The following AGTPBP1 variants were observed in gnomAD, a reference collection of about 807,000 sequenced individuals.
AGTPBP1 encodes the protein cytosolic carboxypeptidase 1.
A neutral mutation model predicts 143.9 loss-of-function variants in AGTPBP1; 70 were observed. The observed-to-expected ratio is 0.49, with a 90% confidence interval of 0.40 to 0.59. AGTPBP1 has a LOEUF of 0.59. Ranked by LOEUF, AGTPBP1 falls within the 20% of genes least tolerant of loss-of-function variation. AGTPBP1 has a pLI of 0.00. For missense variants in AGTPBP1, 1,229 were observed against 1,464.5 expected (o/e 0.84, Z 2.62); for synonymous variants, 463 against 500.2 (o/e 0.93, Z 0.99).
intron 1 of AGTPBP1, among the ~76,000 whole-genome samples, chr9:85,731,999 C>T (rs1388416845): frequency 6.6e-6 from 1 of 152,086 alleles, no homozygotes; most frequent in African/African-American, 2.4e-5. Context: ...ATTTTACTAT[C>T]AATAAATGAG....
Position 85,618,989 on chromosome 9 carries a change from T to C in AGTPBP1, c.2329A>G (p.Asn777Asp), listed in dbSNP as rs1211689428. 1 of 1,612,082 alleles carries C rather than the reference T, an allele frequency of 6.2e-7. No individual in the cohort carries two copies. The highest frequency in any genetic ancestry group is 1.1e-5 in the South Asian group (1 of 90,488). ...GGAAAGAAAACTGTCTTACCATAAT[T>C]AAACTGACTGTTGGACTTTTCACAG... The part of the protein sequence containing the change: ...INCEKSNSQF[N>D]YGMQPLMYSV... The change falls in exon 17 of 26, where the codon AAT becomes GAT. Residue 777 changes from asparagine (N) to aspartate (D), a missense_variant. By Grantham distance (23) the Asn-to-Asp change is conservative. Coordinates refer to ENST00000357081, the MANE Select transcript of AGTPBP1 (RefSeq NM_001330701.2).
chr9:85,611,858 T>TTTTAGTAGAGATGGGG (rs1449214567), intron 17 of AGTPBP1, among the ~76,000 whole-genome samples: 1 of 152,082 alleles, frequency 6.6e-6, no homozygotes, highest in Non-Finnish European at 1.5e-5. Flanking sequence ...TTTTTTGTAT[T>TTTTAGTAGAGATGGGG]TTTAGTAGAG....
intron 17 of AGTPBP1, among the ~76,000 whole-genome samples, chr9:85,608,517 G>C (rs1418259031): frequency 6.6e-6 from 1 of 151,842 alleles, no homozygotes; most frequent in African/African-American, 2.4e-5. Flanking sequence ...ATCTTCTTAT[G>C]TGAAGAAGAT....
chr9:85,637,886 C>G (rs1261079879), intron 13 of AGTPBP1, among the ~76,000 whole-genome samples: 2 of 152,098 alleles, frequency 1.3e-5, no homozygotes, highest in African/African-American at 4.8e-5. Context: ...GGAGGGAGAG[C>G]AAGACAGCAT....
intron 3 of AGTPBP1, among the ~76,000 whole-genome samples, chr9:85,690,530 T>G (rs1305016678): frequency 6.6e-6 from 1 of 150,558 alleles, no homozygotes. Flanking sequence ...GATAGTGGTA[T>G]GGTCAGGAGT....
At chr9:85,649,908 A>G (rs993035481) in intron 11 of AGTPBP1, among the ~76,000 whole-genome samples, 1 of 152,142 alleles carries the variant, frequency 6.6e-6, no homozygotes, top group Admixed American at 6.5e-5. Context: ...AAACGTAAAC[A>G]ATACTGCTCA....
chr9:85,798,321 T>A, the AGTPBP1 span, among the ~76,000 whole-genome samples: 1 of 151,810 alleles, frequency 6.6e-6, no homozygotes, highest in South Asian at 2.1e-4. Flanking sequence ...GATTTTGACA[T>A]GTTTTCTGGC....
Position 85,727,872 on chromosome 9 carries a change from A to T in AGTPBP1, c.-34+13903T>A, listed in dbSNP as rs921049107. On this transcript the variant is annotated intron_variant, in intron 1 of 25. Coordinates refer to ENST00000357081, the MANE Select transcript of AGTPBP1 (RefSeq NM_001330701.2). The stretch of plus-strand genomic sequence containing the variant: ...ATCTCTACAAAAAAATAAAAAAATT[A>T]AAAAAATTAGCTGGGCATGGTGGCA... Among the ~76,000 whole-genome samples the T allele has an allele frequency of 5.9e-5, 9 of 152,022 alleles. No individual in the cohort carries two copies. In the South Asian group the frequency reaches 6.2e-4, roughly 11 times the overall value.
At chr9:85,623,844 C>T (rs767401416) in intron 14 of AGTPBP1, among the ~76,000 whole-genome samples, 2 of 152,008 alleles carry the variant, frequency 1.3e-5, no homozygotes, top group Non-Finnish European at 2.9e-5. Context: ...AATGACAACT[C>T]TTCCTTCCTT....
chr9:85,752,855 T>A, the AGTPBP1 span, among the ~76,000 whole-genome samples: 7 of 152,148 alleles, frequency 4.6e-5, no homozygotes, highest in Non-Finnish European at 1.0e-4. Context: ...CTACAAAAAA[T>A]TTTTAAAAAA....
chr9:85,764,749 C>T, the AGTPBP1 span: 1 of 1,291,424 alleles, frequency 7.7e-7, no homozygotes, highest in Non-Finnish European at 1.1e-6. Context: ...CTCGCCTGAA[C>T]TTAATGGAAC....
intron 1 of AGTPBP1, among the ~76,000 whole-genome samples, chr9:85,733,661 A>G (rs1204521519): frequency 4.6e-5 from 7 of 152,198 alleles, no homozygotes; most frequent in African/African-American, 1.7e-4. Flanking sequence ...AAAGAAATCA[A>G]CAAAACCAAA....
At chr9:85,803,182 C>G in the AGTPBP1 span, among the ~76,000 whole-genome samples, 1 of 152,166 alleles carries the variant, frequency 6.6e-6, no homozygotes, top group Non-Finnish European at 1.5e-5. Context: ...CTAACCTTGA[C>G]CAGAAAGGGG....
chr9:85,593,647 G>A (rs1829113858), intron 18 of AGTPBP1, among the ~76,000 whole-genome samples: 4 of 152,120 alleles, frequency 2.6e-5, no homozygotes, highest in South Asian at 2.1e-4. Context: ...TACGGTATCC[G>A]AAAATGGACT....
At chr9:85,672,131 C>T (rs1834521742) in intron 7 of AGTPBP1, among the ~76,000 whole-genome samples, 1 of 151,768 alleles carries the variant, frequency 6.6e-6, no homozygotes, top group Non-Finnish European at 1.5e-5. Flanking sequence ...AGTGCAATGG[C>T]ACAATCTCAG....
chr9:85,741,428 C>G (rs1349461739), intron 1 of AGTPBP1: 1 of 985,138 alleles, frequency 1.0e-6, no homozygotes, highest in African/African-American at 1.7e-5. Flanking sequence ...GCCGCGAGCT[C>G]GGGCCCGAGA....
At chr9:85,667,747 G>A (rs372529933) in intron 8 of AGTPBP1, among the ~76,000 whole-genome samples, 6 of 152,104 alleles carry the variant, frequency 3.9e-5, no homozygotes, top group East Asian at 3.9e-4. Context: ...AAGCCAGAAC[G>A]TGTGACATTT....
rs539493558 is a variant in AGTPBP1 at position 85,668,967 on chromosome 9, A to ATGTGTGTG, written c.662+510_662+517dup. 4.4e-5 allele frequency among the ~76,000 whole-genome samples: 5 copies of ATGTGTGTG among 114,386 alleles called. No individual in the cohort carries two copies. The South Asian group carries it at 8.8e-4, about 20-fold the overall frequency. The allele number at this position is 114,386 out of a possible 152,430, so 75.0% of individuals were successfully genotyped here. A position where few individuals can be genotyped will look rare whatever the true frequency, so the allele number is the denominator to read the frequency against. ...TGAATAAAAATACATACATACATAC[A>ATGTGTGTG]TGTGTGTGTGTGTGTGTGTGTGTGT... On this transcript the variant is annotated intron_variant, in intron 8 of 25. Transcript: ENST00000357081.
chr9:85,586,850 G>A lies in AGTPBP1; in HGVS notation c.3014C>T (p.Ala1005Val), dbSNP rs576838938. ...HAKGLLQYLA[A>V]VKRLPLVYCD... ...ACTTACCAAGGGTAAACGCTTCACTGCAGCCAAGTATTGCAACAGCCCCTT... is the reference window on the plus strand; with the variant it reads ...ACTTACCAAGGGTAAACGCTTCACTACAGCCAAGTATTGCAACAGCCCCTT... The change falls in exon 22 of 26, where the codon GCA becomes GTA. Residue 1005 changes from alanine to valine, a missense_variant. Ala to Val is a moderately conservative substitution (Grantham distance 64). This residue lies in a region of AGTPBP1 where 486 missense variants were observed against 652.3 expected (regional missense o/e 0.75). Transcript: ENST00000357081. 2 of 1,613,696 alleles carry A rather than the reference G, an allele frequency of 1.2e-6. No individual in the cohort carries two copies. The highest frequency in any genetic ancestry group is 2.2e-5 in the South Asian group (2 of 91,062).
Sources: allele counts gnomAD v4.1 joint callset (sites outside exome capture counted in the v4.1 genomes callset), GRCh38; gene constraint gnomAD v4.1.1; regional missense constraint gnomAD v4.1.1; transcripts MANE v1.5; gene names NCBI Gene and HGNC (gene_info 2026-07-23, HGNC 2026-07-21).